The following ANKRD6 variants were observed in gnomAD, a reference collection of about 807,000 sequenced individuals.
The protein encoded by ANKRD6 is ankyrin repeat domain 6, also known as ankyrin repeat domain-containing protein 6.
In ANKRD6, 56 loss-of-function variants were observed where a neutral mutation model predicts 82.3. The observed-to-expected ratio is 0.68, with a 90% CI of 0.55 to 0.85. The LOEUF (loss-of-function observed/expected upper bound fraction) is 0.85, where lower values mean the gene tolerates loss of function less well. ANKRD6 is among the 40% of genes least tolerant of loss of function. The pLI is 0.00. For missense variants in ANKRD6, 852 were observed against 907.6 expected, an observed-to-expected ratio of 0.94 and a Z score of 0.79; for synonymous variants, 347 against 352.1, an observed-to-expected ratio of 0.99 and a Z score of 0.16.
intron 1 of ANKRD6, among the ~76,000 whole-genome samples, chr6:89,474,725 C>G (rs1335517690): frequency 6.6e-6 from 1 of 152,116 alleles, no homozygotes; most frequent in Non-Finnish European, 1.5e-5. Context: ...CCTTTCTCAT[C>G]TTTTTAAATC....
intron 1 of ANKRD6, among the ~76,000 whole-genome samples, chr6:89,506,049 G>C (rs1477774831): frequency 2.6e-5 from 4 of 152,182 alleles, no homozygotes; most frequent in Non-Finnish European, 5.9e-5. Flanking sequence ...TGCGGGGGCT[G>C]GGGGAGGGCG....
intron 2 of ANKRD6, among the ~76,000 whole-genome samples, chr6:89,592,426 T>G (rs1025760287): frequency 6.6e-6 from 1 of 152,116 alleles, no homozygotes; most frequent in Non-Finnish European, 1.5e-5. Flanking sequence ...ATGCTTAGTT[T>G]GGGGGATTAA....
chr6:89,626,094 T>C (rs1275903307), intron 13 of ANKRD6, among the ~76,000 whole-genome samples: 1 of 152,234 alleles, frequency 6.6e-6, no homozygotes, highest in East Asian at 1.9e-4. Context: ...TAAGTTTTAT[T>C]TCCTTGTTTA....
At chr6:89,490,044 A>G (rs1777834683) in intron 1 of ANKRD6, among the ~76,000 whole-genome samples, 2 of 152,202 alleles carry the variant, frequency 1.3e-5, no homozygotes, top group South Asian at 4.1e-4. Context: ...TATGCTACCC[A>G]AGAGTCACCT....
chr6:89,563,770 G>T (rs1787893519), intron 1 of ANKRD6, among the ~76,000 whole-genome samples: 1 of 152,120 alleles, frequency 6.6e-6, no homozygotes, highest in Non-Finnish European at 1.5e-5. Flanking sequence ...TCAGGTCAGG[G>T]CATCAGATGA....
chr6:89,532,669 C>A (rs558162094), intron 1 of ANKRD6, among the ~76,000 whole-genome samples: 2 of 152,028 alleles, frequency 1.3e-5, no homozygotes, highest in Non-Finnish European at 2.9e-5. Flanking sequence ...AATGAAAGAA[C>A]GTATTGAAAG....
At chr6:89,483,261 T>C (rs1776998885) in intron 1 of ANKRD6, 1 of 152,244 alleles carries the variant, frequency 6.6e-6, no homozygotes. Flanking sequence ...AAATCTCTCA[T>C]AACGAGTTTG....
At chr6:89,497,375 C>A (rs1284668145) in intron 1 of ANKRD6, among the ~76,000 whole-genome samples, 3 of 152,220 alleles carry the variant, frequency 2.0e-5, no homozygotes, top group Non-Finnish European at 4.4e-5. Context: ...GTTCCTACCT[C>A]CTGGTGAGTT....
intron 1 of ANKRD6, among the ~76,000 whole-genome samples, chr6:89,500,641 C>T (rs554696094): frequency 2.6e-5 from 4 of 152,126 alleles, no homozygotes; most frequent in African/African-American, 4.8e-5. Context: ...AAGAGCCTAA[C>T]GCCCTCCTCC....
At chr6:89,543,044 T>G (rs1307864961) in intron 1 of ANKRD6, among the ~76,000 whole-genome samples, 1 of 152,110 alleles carries the variant, frequency 6.6e-6, no homozygotes, top group Non-Finnish European at 1.5e-5. Context: ...GTTCTTGGGG[T>G]TTTTTACGGT....
At position 89,566,919 on chromosome 6, in the gene ANKRD6, C is replaced by T; in HGVS notation, c.-58C>T. On this transcript the variant is annotated 5_prime_UTR_variant, in exon 2 of 16. Coordinates refer to ENST00000339746, the MANE Select transcript of ANKRD6 (RefSeq NM_001242809.2). The stretch of plus-strand genomic sequence containing the variant: ...GGGTGCCAGGCCGGGCCAGTGACTT[C>T]GTGTTGAGCTGAAGGAACTTGTCTA... 1.3e-6 allele frequency: 2 copies of T among 1,546,528 alleles called. No individual in the cohort carries two copies. Among genetic ancestry groups the T allele is most frequent in the South Asian group, 1.2e-5 (1 of 83,612 alleles).
At chr6:89,531,511 G>A (rs1443086769) in intron 1 of ANKRD6, among the ~76,000 whole-genome samples, 1 of 152,226 alleles carries the variant, frequency 6.6e-6, no homozygotes, top group Non-Finnish European at 1.5e-5. Flanking sequence ...TTTGACATCT[G>A]CACATGCTGC....
At chr6:89,546,482 G>A (rs992926650) in intron 1 of ANKRD6, among the ~76,000 whole-genome samples, 8 of 152,134 alleles carry the variant, frequency 5.3e-5, no homozygotes, top group African/African-American at 9.7e-5. Context: ...GATTGATTTT[G>A]AGATGGAGTC....
chr6:89,526,920 T>C (rs1782560991), intron 1 of ANKRD6, among the ~76,000 whole-genome samples: 1 of 152,216 alleles, frequency 6.6e-6, no homozygotes, highest in Admixed American at 6.5e-5. Flanking sequence ...CTTTTTGTTT[T>C]ATTCAGGCCC....
chr6:89,513,258 TGC>T (rs1780778084), intron 1 of ANKRD6, among the ~76,000 whole-genome samples: 1 of 152,132 alleles, frequency 6.6e-6, no homozygotes, highest in Non-Finnish European at 1.5e-5. Context: ...AAATGAAAAG[TGC>T]ACAAACCGTA....
At chr6:89,480,218 G>A (rs1776626870) in intron 1 of ANKRD6, among the ~76,000 whole-genome samples, 1 of 152,192 alleles carries the variant, frequency 6.6e-6, no homozygotes, top group Admixed American at 6.5e-5. Flanking sequence ...AGCCTTCCAA[G>A]TGAGCTATTT....
rs955630726 is a variant in ANKRD6, at chr6:89,576,993, G to A, written c.120+9897G>A. Among the ~76,000 whole-genome samples the A allele has an allele frequency of 2.0e-5, 3 of 151,484 alleles. No homozygotes were observed. In the East Asian group the frequency reaches 5.8e-4, roughly 30 times the overall value. ...TTGCCTAGGCTGGTCCTAAACTTCT[G>A]GACTCAAGTGATTCTCCTCCCAGGT... On this transcript the variant is annotated intron_variant, in intron 2 of 15. Coordinates refer to ENST00000339746, the MANE Select transcript of ANKRD6 (RefSeq NM_001242809.2).
chr6:89,620,216 T>G lies in ANKRD6; in HGVS notation c.793-1706T>G, dbSNP rs188312555. On this transcript the variant is annotated intron_variant, in intron 9 of 15. Coordinates refer to ENST00000339746, the MANE Select transcript of ANKRD6 (RefSeq NM_001242809.2). ...CTCACTTCTGTGGACTGGAAAAGAT[T>G]AATGACATCCCATTTCGTAGATGGT... The G allele has an allele frequency of 8.8e-3, 1,343 of 152,324 alleles. 19 individuals carry two copies. Among genetic ancestry groups the G allele is most frequent in the South Asian group, 0.035 (170 of 4,832 alleles). The allele number at this position is 152,324 out of a possible 1,614,324, so 9.4% of individuals were successfully genotyped here. A position where few individuals can be genotyped will look rare whatever the true frequency, so the allele number is the denominator to read the frequency against.
At chr6:89,521,666 G>A (rs1002308387) in intron 1 of ANKRD6, among the ~76,000 whole-genome samples, 3 of 152,158 alleles carry the variant, frequency 2.0e-5, no homozygotes, top group African/African-American at 4.8e-5. Flanking sequence ...TTTTAGATTA[G>A]GGCAGAGAAT....
Sources: allele counts gnomAD v4.1 joint callset (sites outside exome capture counted in the v4.1 genomes callset), GRCh38; gene constraint gnomAD v4.1.1; transcripts MANE v1.5; gene names NCBI Gene and HGNC (gene_info 2026-07-23, HGNC 2026-07-21).